Variants in NOL4 observed in about 807,000 individuals in gnomAD.
The protein encoded by NOL4 is cancer/testis antigen 125.
In NOL4, 17 loss-of-function variants were observed where a neutral mutation model predicts 75.9. The ratio of observed to expected loss-of-function variants is 0.22; its 90% CI spans 0.15 to 0.34. The LOEUF (loss-of-function observed/expected upper bound fraction) is 0.34, where lower values mean the gene tolerates loss of function less well. Ranked by LOEUF, NOL4 falls within the 10% of genes least tolerant of loss-of-function variation. The pLI, the probability that NOL4 is intolerant of heterozygous loss-of-function variation, is 1.00. For synonymous variants in NOL4, 292 were observed against 289.9 expected (o/e 1.01, Z -0.07); for missense variants, 614 against 793.5 (o/e 0.77, Z 2.72).
intron 6 of NOL4, among the ~76,000 whole-genome samples, chr18:33,978,900 A>G (rs1292925478): frequency 1.3e-5 from 2 of 152,090 alleles, no homozygotes; most frequent in Non-Finnish European, 2.9e-5. Context: ...TTGATGTAGA[A>G]CATGTAAATA....
intron 5 of NOL4, among the ~76,000 whole-genome samples, chr18:34,035,663 C>T (rs1342419827): frequency 4.0e-5 from 6 of 150,870 alleles, no homozygotes; most frequent in African/African-American, 1.2e-4. Flanking sequence ...GAAATAGAGA[C>T]TAACAATACA....
At chr18:34,077,315 A>C (rs960840239) in intron 5 of NOL4, among the ~76,000 whole-genome samples, 1 of 152,150 alleles carries the variant, frequency 6.6e-6, no homozygotes, top group African/African-American at 2.4e-5. Flanking sequence ...CAAAAAACAA[A>C]ACAAAACAAT....
intron 9 of NOL4, among the ~76,000 whole-genome samples, chr18:33,934,246 T>C (rs749041024): frequency 6.6e-6 from 1 of 152,082 alleles, no homozygotes; most frequent in Non-Finnish European, 1.5e-5. Context: ...CAGGCCTTGT[T>C]GTTTCATTTA....
intron 6 of NOL4, among the ~76,000 whole-genome samples, chr18:33,963,797 C>A (rs1415370318): frequency 6.6e-6 from 1 of 152,134 alleles, no homozygotes; most frequent in African/African-American, 2.4e-5. Flanking sequence ...CCCAATAGAA[C>A]TGCCAGCATT....
At chr18:34,166,677 C>T (rs1019714440) in intron 1 of NOL4, among the ~76,000 whole-genome samples, 2 of 151,882 alleles carry the variant, frequency 1.3e-5, no homozygotes, top group African/African-American at 4.8e-5. Context: ...TTTGGGTCTG[C>T]AAGTTCTGCA....
intron 1 of NOL4, among the ~76,000 whole-genome samples, chr18:34,165,401 T>A (rs903412343): frequency 1.3e-5 from 2 of 152,108 alleles, no homozygotes; most frequent in Admixed American, 6.6e-5. Flanking sequence ...AAGCTTTTAG[T>A]CTTCTGGACT....
chr18:34,108,463 T>C (rs990125014), intron 2 of NOL4, among the ~76,000 whole-genome samples: 2 of 152,074 alleles, frequency 1.3e-5, no homozygotes, highest in African/African-American at 4.8e-5. Flanking sequence ...TCACATTAGC[T>C]ATAAGTGGAC....
intron 6 of NOL4, among the ~76,000 whole-genome samples, chr18:33,989,190 CAAAAAAAAAAA>C (rs55924436): frequency 1.5e-4 from 10 of 65,106 alleles, no homozygotes; most frequent in South Asian, 1.7e-3. Flanking sequence ...CCCATCTCTA[CAAAAAAAAAAA>C]AAAAAAAAAA....
At chr18:34,164,509 C>T (rs1481994335) in intron 1 of NOL4, among the ~76,000 whole-genome samples, 1 of 152,174 alleles carries the variant, frequency 6.6e-6, no homozygotes, top group African/African-American at 2.4e-5. Context: ...CCATCACTGG[C>T]CATCAGAGAG....
At chr18:34,022,321 T>C (rs982402089) in intron 5 of NOL4, among the ~76,000 whole-genome samples, 1 of 151,814 alleles carries the variant, frequency 6.6e-6, no homozygotes, top group African/African-American at 2.4e-5. Flanking sequence ...AAAGAAAGAA[T>C]TGATGTGGAA....
chr18:34,098,214 T>G (rs571865150), intron 4 of NOL4, among the ~76,000 whole-genome samples: 3 of 152,258 alleles, frequency 2.0e-5, no homozygotes, highest in African/African-American at 7.2e-5. Context: ...TTATTTGCTT[T>G]GGTCAATAGA....
intron 8 of NOL4, among the ~76,000 whole-genome samples, chr18:33,943,477 T>C (rs1378383461): frequency 6.6e-6 from 1 of 151,860 alleles, no homozygotes; most frequent in Non-Finnish European, 1.5e-5. Context: ...GCAAAACTGC[T>C]GACTGGATTT....
intron 1 of NOL4, among the ~76,000 whole-genome samples, chr18:34,199,145 G>A: frequency 7.6e-6 from 1 of 131,292 alleles, no homozygotes; most frequent in African/African-American, 2.8e-5. Flanking sequence ...GGACAGAGAA[G>A]TTTTTTTTTT....
At chr18:34,029,413 A>G (rs1234768701) in intron 5 of NOL4, among the ~76,000 whole-genome samples, 1 of 152,196 alleles carries the variant, frequency 6.6e-6, no homozygotes, top group Non-Finnish European at 1.5e-5. Flanking sequence ...ACTAAAGAGT[A>G]ATTAAAAATG....
chr18:34,223,360 C>A lies in NOL4; in HGVS notation c.-107G>T, dbSNP rs1029419761. ...CGGCCACGTTGCAGGGATGCGAGGT[C>A]CCGGCCGCAGCGGGAGCCTGCTTTG... On this transcript the variant is annotated 5_prime_UTR_variant, in exon 1 of 11. Transcript: ENST00000261592. 1 of 1,485,364 alleles carries A rather than the reference C, an allele frequency of 6.7e-7. No individual in the cohort carries two copies. Among genetic ancestry groups the A allele is most frequent in the Non-Finnish European group, 9.0e-7 (1 of 1,110,958 alleles). The allele number at this position is 1,485,364 out of a possible 1,614,324, so 92.0% of individuals were successfully genotyped here.
intron 1 of NOL4, among the ~76,000 whole-genome samples, chr18:34,176,581 G>A (rs1466372401): frequency 1.3e-5 from 2 of 152,038 alleles, no homozygotes; most frequent in Non-Finnish European, 2.9e-5. Flanking sequence ...ATGGGGCTTT[G>A]GGAGGCAATT....
At chr18:34,005,090 A>C (rs1411774789) in intron 6 of NOL4, among the ~76,000 whole-genome samples, 4 of 152,096 alleles carry the variant, frequency 2.6e-5, no homozygotes, top group Non-Finnish European at 4.4e-5. Context: ...AATCATACAG[A>C]TATTATAACC....
chr18:34,127,112 A>AAT (rs1221875899), intron 2 of NOL4, among the ~76,000 whole-genome samples: 1 of 151,940 alleles, frequency 6.6e-6, no homozygotes, highest in Non-Finnish European at 1.5e-5. Flanking sequence ...CATAAGAAAT[A>AAT]ATATATATAC....
At chr18:34,089,814 G>A (rs1372822211) in intron 5 of NOL4, among the ~76,000 whole-genome samples, 1 of 152,192 alleles carries the variant, frequency 6.6e-6, no homozygotes, top group East Asian at 1.9e-4. Context: ...GCAATGCAGA[G>A]GACATCCCTC....
Sources: gnomAD v4.1 joint callset for allele counts (sites outside exome capture counted in the v4.1 genomes callset) on GRCh38, gnomAD v4.1.1 for gene constraint, MANE v1.5 for transcripts, NCBI Gene and HGNC (gene_info 2026-07-23, HGNC 2026-07-21) for gene names.